The following SYNPR variants were observed in gnomAD, a reference collection of about 807,000 sequenced individuals.
SYNPR encodes synaptoporin.
SYNPR carries 23 observed loss-of-function variants against 32.9 expected under a neutral mutation model. The ratio of observed to expected loss-of-function variants is 0.70; its 90% CI spans 0.50 to 0.99. SYNPR has a LOEUF of 0.99. Among genes scored for constraint, SYNPR ranks in the 50% least tolerant of loss-of-function variants. The pLI, the probability that SYNPR is intolerant of heterozygous loss-of-function variation, is 0.00. For missense variants in SYNPR, 318 were observed against 349.3 expected (o/e 0.91, Z 0.71); for synonymous variants, 146 against 135.9 (o/e 1.07, Z -0.52).
upstream of SYNPR, among the ~76,000 whole-genome samples, chr3:63,225,326 A>G (rs2086120449): frequency 6.6e-6 from 1 of 152,216 alleles, no homozygotes; most frequent in South Asian, 2.1e-4. Flanking sequence ...CAGCTTCTGG[A>G]TGGCACATCA....
At chr3:63,367,801 C>A (rs1159108814) in intron 2 of SYNPR, among the ~76,000 whole-genome samples, 2 of 152,196 alleles carry the variant, frequency 1.3e-5, no homozygotes, top group African/African-American at 4.8e-5. Flanking sequence ...CTCACACCTA[C>A]ATGTTTCTTC....
the SYNPR span, among the ~76,000 whole-genome samples, chr3:63,209,794 G>T: frequency 2.0e-5 from 3 of 152,198 alleles, no homozygotes; most frequent in African/African-American, 7.2e-5. Flanking sequence ...TGACATATTG[G>T]CATTCATCAC....
chr3:63,388,002 C>G (rs1484102804), intron 2 of SYNPR, among the ~76,000 whole-genome samples: 1 of 152,116 alleles, frequency 6.6e-6, no homozygotes, highest in Non-Finnish European at 1.5e-5. Flanking sequence ...GAAGGTGAGC[C>G]ACAGCATAGT....
At chr3:63,557,849 T>G in intron 4 of SYNPR, among the ~76,000 whole-genome samples, 1 of 152,206 alleles carries the variant, frequency 6.6e-6, no homozygotes, top group East Asian at 1.9e-4. Flanking sequence ...TATAAATAAA[T>G]AATGTTTATC....
In SYNPR at chr3:63,483,419, G is replaced by A. The variant is rs149155371; in HGVS notation, c.209+2463G>A. On this transcript the variant is annotated intron_variant, in intron 3 of 5. Coordinates refer to ENST00000478300, the MANE Select transcript of SYNPR (RefSeq NM_001130003.2). The stretch of plus-strand genomic sequence containing the variant: ...TAATTTTAAATTTATGCACCTATAT[G>A]TATGTGTGTGTATGTGTATGTATAT... Among the ~76,000 whole-genome samples, 13 of 152,234 alleles carry A rather than the reference G, an allele frequency of 8.5e-5. No homozygotes were observed. In the East Asian group the frequency reaches 1.5e-3, roughly 18 times the overall value.
chr3:63,383,020 A>G (rs1015618301), intron 2 of SYNPR, among the ~76,000 whole-genome samples: 1 of 152,174 alleles, frequency 6.6e-6, no homozygotes, highest in African/African-American at 2.4e-5. Context: ...ATTCTTTACA[A>G]GATTATTTTA....
chr3:63,558,715 T>C (rs1298207505), intron 4 of SYNPR, among the ~76,000 whole-genome samples: 5 of 152,140 alleles, frequency 3.3e-5, no homozygotes, highest in African/African-American at 9.7e-5. Context: ...TTAATAATAC[T>C]TGTAGTGATC....
intron 2 of SYNPR, among the ~76,000 whole-genome samples, chr3:63,262,114 A>AAG (rs2086443349): frequency 6.6e-6 from 1 of 151,866 alleles, no homozygotes; most frequent in African/African-American, 2.4e-5. Context: ...GGACAAAAAA[A>AAG]AAACCATTTT....
chr3:63,321,619 C>A (rs2087111702), intron 2 of SYNPR, among the ~76,000 whole-genome samples: 1 of 151,988 alleles, frequency 6.6e-6, no homozygotes, highest in South Asian at 2.1e-4. Flanking sequence ...AGTCTGAATA[C>A]CCAATTCATT....
rs578236644 is a variant in SYNPR, at chr3:63,437,231, T to A, written c.85-43601T>A. Among the ~76,000 whole-genome samples the A allele has an allele frequency of 5.9e-5, 9 of 152,276 alleles. No homozygotes were observed. In the South Asian group the frequency reaches 1.4e-3, roughly 25 times the overall value. The stretch of plus-strand genomic sequence containing the variant: ...CCTCTAGAGACAAAATAAAACAGCA[T>A]GTAGTATTATCTCTATCAAACAACC... On this transcript the variant is annotated intron_variant, in intron 2 of 5. Transcript: ENST00000478300.
intron 2 of SYNPR, among the ~76,000 whole-genome samples, chr3:63,463,212 C>T (rs1000998632): frequency 6.6e-6 from 1 of 151,986 alleles, no homozygotes; most frequent in Non-Finnish European, 1.5e-5. Flanking sequence ...TTTATTTTAC[C>T]GTTGCAATGA....
chr3:63,336,914 T>C (rs1246093022), intron 2 of SYNPR, among the ~76,000 whole-genome samples: 1 of 152,014 alleles, frequency 6.6e-6, no homozygotes, highest in African/African-American at 2.4e-5. Context: ...AAAAACTGTA[T>C]AGACACCTAG....
At chr3:63,250,335 T>C (rs895077252) in intron 1 of SYNPR, among the ~76,000 whole-genome samples, 2 of 145,510 alleles carry the variant, frequency 1.4e-5, no homozygotes, top group African/African-American at 2.8e-5. Context: ...GGAAAATAAA[T>C]AAAATAAAAT....
chr3:63,320,181 G>A (rs1244937681), intron 2 of SYNPR, among the ~76,000 whole-genome samples: 1 of 151,864 alleles, frequency 6.6e-6, no homozygotes, highest in Admixed American at 6.6e-5. Flanking sequence ...GAACTCCTGG[G>A]CTCAAGTGAT....
chr3:63,522,671 A>G (rs1316300291), intron 3 of SYNPR, among the ~76,000 whole-genome samples: 1 of 152,186 alleles, frequency 6.6e-6, no homozygotes, highest in Admixed American at 6.5e-5. Flanking sequence ...CAGAAGACAA[A>G]TAAGCTCGAG....
chr3:63,472,431 C>G (rs945010101), intron 2 of SYNPR, among the ~76,000 whole-genome samples: 7 of 152,130 alleles, frequency 4.6e-5, no homozygotes, highest in Non-Finnish European at 8.8e-5. Context: ...TAATGATGGA[C>G]TTACTGAGGA....
At chr3:63,543,215 A>G (rs1188741772) in intron 3 of SYNPR, among the ~76,000 whole-genome samples, 1 of 152,156 alleles carries the variant, frequency 6.6e-6, no homozygotes, top group East Asian at 1.9e-4. Context: ...TATCATGAAA[A>G]TAATTTTGAT....
At chr3:63,578,808 C>A (rs1703038201) in intron 4 of SYNPR, among the ~76,000 whole-genome samples, 1 of 152,110 alleles carries the variant, frequency 6.6e-6, no homozygotes. Flanking sequence ...CATGGCAGAA[C>A]TTGTAGAGTT....
chr3:63,459,320 C>A (rs1475343455), intron 2 of SYNPR, among the ~76,000 whole-genome samples: 1 of 152,056 alleles, frequency 6.6e-6, no homozygotes, highest in Non-Finnish European at 1.5e-5. Context: ...TTTTCTCCAT[C>A]CTTTTTGACT....
Sources: allele counts gnomAD v4.1 joint callset (sites outside exome capture counted in the v4.1 genomes callset), GRCh38; gene constraint gnomAD v4.1.1; transcripts MANE v1.5; gene names NCBI Gene and HGNC (gene_info 2026-07-23, HGNC 2026-07-21).